The following RPS6KB2 variants were observed in gnomAD, a reference collection of about 807,000 sequenced individuals.
The protein encoded by RPS6KB2 is ribosomal protein S6 kinase B2.
A neutral mutation model predicts 58.2 loss-of-function variants in RPS6KB2; 51 were observed. That is an observed-to-expected ratio of 0.88 (90% CI 0.70 to 1.11). The LOEUF (loss-of-function observed/expected upper bound fraction) is 1.11. Ranked by LOEUF, RPS6KB2 falls within the 50% of genes least tolerant of loss-of-function variation. RPS6KB2 has a pLI of 0.00. For synonymous variants in RPS6KB2, 293 were observed against 258.6 expected (o/e 1.13, Z -1.28); for missense variants, 671 against 655.8 (o/e 1.02, Z -0.25).
At chr11:67,434,508 GT>G in intron 13 of RPS6KB2, 24 bp downstream of exon 13, 1 of 1,603,998 alleles carries the variant, frequency 6.2e-7, no homozygotes, top group Non-Finnish European at 8.5e-7. Context: ...CCTGAGGCCT[GT>G]GGGACCAGGG....
intron 1 of RPS6KB2, 50 bp downstream of exon 1, chr11:67,428,673 C>A: frequency 6.5e-7 from 1 of 1,533,788 alleles, no homozygotes; most frequent in South Asian, 1.2e-5. Context: ...ATCCTGTCAC[C>A]CAGCCGAGGC....
At chr11:67,433,950 GAGC>G (rs779321912) in intron 10 of RPS6KB2, 42 bp from the exon 11 acceptor site, 1 of 1,609,224 alleles carries the variant, frequency 6.2e-7, no homozygotes, top group African/African-American at 1.3e-5. Flanking sequence ...GGGGACACAT[GAGC>G]AGTACTTGCC....
At chr11:67,432,030 T>C in intron 5 of RPS6KB2, 1 of 316,734 alleles carries the variant, frequency 3.2e-6, no homozygotes, top group Non-Finnish European at 6.2e-6. Flanking sequence ...CCAGCCCTTC[T>C]ATTCAGAGTC....
In RPS6KB2 at chr11:67,429,602, C is replaced by A; in HGVS notation, c.309+7C>A. On this transcript the variant is annotated splice_region_variant and intron_variant, in intron 4 of 14. Transcript: ENST00000312629. ...CATGAAAGTCCTAAGGAAGGTGAGT[C>A]ACTCGTTCAGCCAACGAATACTGTG... 6.2e-7 allele frequency: 1 copy of A among 1,606,718 alleles called. No individual in the cohort carries two copies. The highest frequency in any genetic ancestry group is 1.1e-5 in the South Asian group (1 of 89,578).
intron 7 of RPS6KB2, 36 bp downstream of exon 7, chr11:67,432,873 C>G: frequency 6.2e-7 from 1 of 1,610,402 alleles, no homozygotes; most frequent in South Asian, 1.1e-5. Flanking sequence ...CAGGCGGGGT[C>G]TGCAATCTGT....
chr11:67,429,150 G>C lies in RPS6KB2; in HGVS notation c.150G>C (p.Leu50=), dbSNP rs1395094982. The change falls in exon 3 of 15, where the codon CTG becomes CTC. Residue 50 remains leucine (L), a synonymous_variant. Transcript: ENST00000312629. The part of the protein sequence containing the change: ...EPVGHYEEVE[L]TETSVNVGPE... ...TGGGACACTATGAAGAGGTGGAGCTGACTGAGACCAGCGTGAACGTTGGCC... is the reference window on the plus strand; with the variant it reads ...TGGGACACTATGAAGAGGTGGAGCTCACTGAGACCAGCGTGAACGTTGGCC... 4 of 1,613,364 alleles carry C rather than the reference G, an allele frequency of 2.5e-6. No homozygotes were observed. Among genetic ancestry groups the C allele is most frequent in the Non-Finnish European group, 3.4e-6 (4 of 1,179,574 alleles).
At chr11:67,429,878 A>AT in intron 4 of RPS6KB2, 1 of 295,204 alleles carries the variant, frequency 3.4e-6, no homozygotes, top group Middle Eastern at 1.1e-3. Flanking sequence ...CAGTGACGCG[A>AT]TTTTGGCTCA....
Position 67,435,114 on chromosome 11 carries a change from G to A in RPS6KB2, c.1394G>A (p.Arg465His), listed in dbSNP as rs374915842. The change falls in exon 15 of 15, where the codon CGT becomes CAT. Residue 465 changes from arginine to histidine, a missense_variant. Transcript: ENST00000312629. ...TCGACCACCGCCCCTCTCCCCATCC[G>A]TCCCCCCTCAGGGACCAAGAAGTCC... Reference protein sequence around the residue: ...PPSTTAPLPIRPPSGTKKSKR... With the variant: ...PPSTTAPLPIHPPSGTKKSKR... The A allele has an allele frequency of 4.4e-6, 7 of 1,605,530 alleles. No individual in the cohort carries two copies. The Middle Eastern group carries it at 5.0e-4, about 114-fold the overall frequency.
chr11:67,433,861 G>T, intron 10 of RPS6KB2, 134 bp from the exon 11 acceptor site: 2 of 945,670 alleles, frequency 2.1e-6, no homozygotes, highest in South Asian at 2.8e-5. Flanking sequence ...AGCCCTGAGG[G>T]TATCCATAGG....
At chr11:67,429,388 C>T (rs1863950789) in intron 3 of RPS6KB2, 139 bp from the exon 4 acceptor site, 1 of 1,365,822 alleles carries the variant, frequency 7.3e-7, no homozygotes, top group African/African-American at 1.4e-5. Context: ...CAAATCCTCT[C>T]CAATCGGACT....
rs774154588 is a variant in RPS6KB2 at position 67,428,970 on chromosome 11, G to T, written c.79-12G>T. ...GCACCTTCCTTGGCTCTTACCCCTCGGTTTCTCACAGGACGCATGTCCCCT... is the reference window on the plus strand; with the variant it reads ...GCACCTTCCTTGGCTCTTACCCCTCTGTTTCTCACAGGACGCATGTCCCCT... On this transcript the variant is annotated splice_polypyrimidine_tract_variant and intron_variant, in intron 1 of 14. Coordinates refer to ENST00000312629, the MANE Select transcript of RPS6KB2 (RefSeq NM_003952.3). The T allele has an allele frequency of 6.8e-6, 11 of 1,613,916 alleles. No individual in the cohort carries two copies. Among genetic ancestry groups the T allele is most frequent in the African/African-American group, 1.3e-5 (1 of 74,910 alleles).
chr11:67,429,882 T>G, intron 4 of RPS6KB2: 3 of 291,606 alleles, frequency 1.0e-5, no homozygotes, highest in Non-Finnish European at 2.0e-5. Context: ...GACGCGATTT[T>G]GGCTCACTGC....
In RPS6KB2 at chr11:67,435,073, GCCACCGCCGCCGCCCTCGA is replaced by G; in HGVS notation, c.1362_1380del (p.Pro455LeufsTer33). The G allele has an allele frequency of 6.2e-7, 1 of 1,611,198 alleles. No individual in the cohort carries two copies. The highest frequency in any genetic ancestry group is 8.5e-7 in the Non-Finnish European group (1 of 1,179,438). ...CGGAGCTACCTCTACCTCCACTCCTGCCACCGCCGCCGCCCTCGACCACCGCCCCTCTCCCCATCCGTCC... is the reference window on the plus strand; with the variant it reads ...CGGAGCTACCTCTACCTCCACTCCTGCCACCGCCCCTCTCCCCATCCGTCC... On this transcript the variant is annotated frameshift_variant, in exon 15 of 15. Transcript: ENST00000312629. LOFTEE classifies it high-confidence loss of function.
chr11:67,432,399 C>A, intron 5 of RPS6KB2: 1 of 703,044 alleles, frequency 1.4e-6, no homozygotes, highest in Non-Finnish European at 2.6e-6. Flanking sequence ...TCATCCTGTC[C>A]CCAGCTTCAC....
At position 67,431,452 on chromosome 11, in the gene RPS6KB2, G is replaced by A. The variant is rs1229263509; in HGVS notation, c.394G>A (p.Val132Met). ...ILESVKHPFI[V>M]ELAYAFQTGG... ...AGAGTCAGTGAAGCACCCCTTTATT[G>A]TGGAACTGGCCTATGCCTTCCAGAC... is the stretch of plus-strand genomic sequence containing the variant. The change falls in exon 5 of 15, where the codon GTG becomes ATG. Residue 132 changes from valine to methionine, a missense_variant. Transcript: ENST00000312629. The A allele has an allele frequency of 6.2e-7, 1 of 1,614,130 alleles. No individual in the cohort carries two copies.
rs1284076522 is a variant in RPS6KB2, at chr11:67,434,564, C to T, written c.1156-18C>T. ...TGGCAGGCACTGAGTGTCGCATGGC[C>T]CTGCCTCCGCCCCCCAGGGCTTCAC... On this transcript the variant is annotated intron_variant, in intron 13 of 14. Transcript: ENST00000312629. 2.5e-6 allele frequency: 4 copies of T among 1,599,294 alleles called. No homozygotes were observed. The highest frequency in any genetic ancestry group is 1.3e-5 in the African/African-American group (1 of 74,622).
intron 12 of RPS6KB2, 31 bp from the exon 13 acceptor site, chr11:67,434,346 C>T (rs1255948043): frequency 1.9e-6 from 3 of 1,610,624 alleles, no homozygotes; most frequent in Non-Finnish European, 2.5e-6. Context: ...TTGGTGCCCT[C>T]TGACCCCTCC....
At position 67,428,588 on chromosome 11, in the gene RPS6KB2, A is replaced by AGCGAGG. The variant is rs754867431; in HGVS notation, c.55_60dup (p.Gly19_Glu20dup). 45 of 1,611,084 alleles carry AGCGAGG rather than the reference A, an allele frequency of 2.8e-5. No homozygotes were observed. Among genetic ancestry groups the AGCGAGG allele is most frequent in the Middle Eastern group, 1.7e-4 (1 of 5,922 alleles). On this transcript the variant is annotated inframe_insertion, in exon 1 of 15. Coordinates refer to ENST00000312629, the MANE Select transcript of RPS6KB2 (RefSeq NM_003952.3). Reference sequence around the variant, plus strand: ...TTTGGATTTGGAGACGGAGGAAGGCAGCGAGGGCGAGGGCGAGCCAGAGCT... The same window carrying AGCGAGG: ...TTTGGATTTGGAGACGGAGGAAGGCAGCGAGGGCGAGGGCGAGGGCGAGCCAGAGCT...
Position 67,432,965 on chromosome 11 carries a change from G to A in RPS6KB2, c.630G>A (p.Leu210=), listed in dbSNP as rs1330006162. The part of the protein sequence containing the change: ...IMLSSQGHIK[L]TDFGLCKESI... ...ACCCTTCCTCAGGCCACATCAAACT[G>A]ACCGACTTTGGACTCTGCAAGGAGT... Residue 210 remains leucine (L), a synonymous_variant, in exon 8 of 15, where the codon CTG becomes CTA. Transcript: ENST00000312629. 6.2e-7 allele frequency: 1 copy of A among 1,613,334 alleles called. No individual in the cohort carries two copies. The highest frequency in any genetic ancestry group is 1.1e-5 in the South Asian group (1 of 91,064).
Sources: gnomAD v4.1 joint callset for allele counts on GRCh38, gnomAD v4.1.1 for gene constraint, MANE v1.5 for transcripts, NCBI Gene and HGNC (gene_info 2026-07-23, HGNC 2026-07-21) for gene names.